SLC22A24: variants seen among roughly 807,000 people sequenced by gnomAD.
The protein encoded by SLC22A24 is solute carrier family 22 member 24.
A neutral mutation model predicts 49.8 loss-of-function variants in SLC22A24; 53 were observed. The ratio of observed to expected loss-of-function variants is 1.06; its 90% CI spans 0.85 to 1.34. The LOEUF (loss-of-function observed/expected upper bound fraction) is 1.34, where lower values mean the gene tolerates loss of function less well. SLC22A24 is among the 40% of genes most tolerant of loss of function. SLC22A24 has a pLI of 0.00. For missense variants in SLC22A24, 786 were observed against 675.9 expected (o/e 1.16, Z -1.81); for synonymous variants, 302 against 256.4 (o/e 1.18, Z -1.70).
chr11:63,103,826 A>G (rs1349997219), intron 5 of SLC22A24, among the ~76,000 whole-genome samples: 1 of 152,212 alleles, frequency 6.6e-6, no homozygotes, highest in Non-Finnish European at 1.5e-5. Flanking sequence ...TGTATGATTA[A>G]TTATAATTTA....
At chr11:63,104,539 T>C (rs1313480972) in intron 4 of SLC22A24, among the ~76,000 whole-genome samples, 1 of 152,176 alleles carries the variant, frequency 6.6e-6, no homozygotes, top group Admixed American at 6.5e-5. Flanking sequence ...TTCACACTGC[T>C]GATAAAGACA....
rs747048463 is a variant in SLC22A24, at chr11:63,083,316, A to G, written c.1212T>C (p.Gly404=). The G allele has an allele frequency of 2.2e-5, 35 of 1,560,186 alleles. No individual in the cohort carries two copies. The highest frequency in any genetic ancestry group is 2.9e-5 in the Non-Finnish European group (33 of 1,151,060). ...CVSLLTLNHM[G]RRISQILFTF... is the part of the protein sequence containing the mutation. ...TGAACAATATCTGGCTTATTCGACG[A>G]CCCATATGATTCAGTGTCAAAAGGG... is the stretch of plus-strand genomic sequence containing the variant. The change falls in exon 7 of 10, where the codon GGT becomes GGC. Residue 404 remains glycine (G), a synonymous_variant. Coordinates refer to ENST00000612278, the MANE Select transcript of SLC22A24 (RefSeq NM_001136506.2).
At chr11:63,095,924 T>G (rs553434553) in intron 6 of SLC22A24, 67 bp downstream of exon 6, 4 of 1,180,896 alleles carry the variant, frequency 3.4e-6, no homozygotes, top group East Asian at 5.1e-5. Flanking sequence ...GCTGCTAATC[T>G]TTTGAAAGAA....
At chr11:63,129,428 CT>C (rs2087317636) in intron 2 of SLC22A24, among the ~76,000 whole-genome samples, 1 of 152,152 alleles carries the variant, frequency 6.6e-6, no homozygotes, top group Non-Finnish European at 1.5e-5. Context: ...CAGCTTTGAT[CT>C]TTTTGCTTAG....
chr11:63,082,684 T>C (rs2086966647), intron 7 of SLC22A24, among the ~76,000 whole-genome samples: 1 of 152,212 alleles, frequency 6.6e-6, no homozygotes, highest in African/African-American at 2.4e-5. Flanking sequence ...ACACTTCATT[T>C]ATGGTTGAAG....
chr11:63,121,949 G>A (rs896073318), intron 2 of SLC22A24, among the ~76,000 whole-genome samples: 3 of 152,026 alleles, frequency 2.0e-5, no homozygotes, highest in Non-Finnish European at 4.4e-5. Context: ...ACATGAGAAA[G>A]CCCTTTATGG....
intron 4 of SLC22A24, among the ~76,000 whole-genome samples, chr11:63,106,292 A>G (rs1045990633): frequency 8.5e-5 from 13 of 152,102 alleles, no homozygotes; most frequent in Middle Eastern, 3.4e-3. Context: ...ATTGTATTTC[A>G]TGGTGTATAT....
chr11:63,080,842 G>T (rs757440383), intron 9 of SLC22A24, 78 bp downstream of exon 9: 3 of 1,266,784 alleles, frequency 2.4e-6, no homozygotes, highest in Non-Finnish European at 3.3e-6. Flanking sequence ...GGCCCCAAAT[G>T]GTCGTTGACC....
chr11:63,090,183 C>G (rs1482040517), intron 6 of SLC22A24, among the ~76,000 whole-genome samples: 14 of 151,104 alleles, frequency 9.3e-5, no homozygotes, highest in Admixed American at 9.2e-4. Context: ...TATATGCACC[C>G]AATGGAGGAA....
At chr11:63,099,983 A>C (rs2087080923) in intron 5 of SLC22A24, among the ~76,000 whole-genome samples, 1 of 152,224 alleles carries the variant, frequency 6.6e-6, no homozygotes, top group Non-Finnish European at 1.5e-5. Context: ...TAAATGGATA[A>C]AAACTAAAAG....
At chr11:63,131,548 G>C (rs1192812380) in intron 2 of SLC22A24, among the ~76,000 whole-genome samples, 1 of 152,128 alleles carries the variant, frequency 6.6e-6, no homozygotes, top group Non-Finnish European at 1.5e-5. Flanking sequence ...AGCTTAGTTT[G>C]GCGGGACGTG....
intron 5 of SLC22A24, among the ~76,000 whole-genome samples, chr11:63,102,526 G>T (rs1241747109): frequency 6.6e-6 from 1 of 152,028 alleles, no homozygotes; most frequent in Non-Finnish European, 1.5e-5. Flanking sequence ...AACCCCAATG[G>T]GTTGACAGGT....
intron 6 of SLC22A24, 108 bp downstream of exon 6, chr11:63,095,883 T>C: frequency 1.3e-6 from 1 of 794,490 alleles, no homozygotes; most frequent in Non-Finnish European, 2.0e-6. Flanking sequence ...GATTTTCTCT[T>C]CTCTTATGTA....
intron 1 of SLC22A24, among the ~76,000 whole-genome samples, chr11:63,142,250 C>T (rs1425099500): frequency 6.6e-6 from 1 of 152,148 alleles, no homozygotes; most frequent in South Asian, 2.1e-4. Flanking sequence ...CCATTATGTC[C>T]CCTGTCAGCA....
intron 4 of SLC22A24, among the ~76,000 whole-genome samples, chr11:63,108,083 C>A (rs991149068): frequency 5.3e-5 from 8 of 152,084 alleles, no homozygotes; most frequent in African/African-American, 1.9e-4. Context: ...TTATAAATAA[C>A]TCTTATTATT....
rs2135191069 is a variant in SLC22A24 at position 63,083,298 on chromosome 11, T to C, written c.1230A>G (p.Ile410Met). 3 of 1,560,898 alleles carry C rather than the reference T, an allele frequency of 1.9e-6. No homozygotes were observed. Among genetic ancestry groups the C allele is most frequent in the Non-Finnish European group, 2.6e-6 (3 of 1,151,490 alleles). Reference protein sequence around the residue: ...LNHMGRRISQILFTFPVGLFI... With the variant: ...LNHMGRRISQMLFTFPVGLFI... Reference sequence around the variant, plus strand: ...AAAGTCCCACCGGGAACGTGAACAATATCTGGCTTATTCGACGACCCATAT... The same window carrying C: ...AAAGTCCCACCGGGAACGTGAACAACATCTGGCTTATTCGACGACCCATAT... The change falls in exon 7 of 10, where the codon ATA (isoleucine) becomes ATG (methionine). Residue 410 changes from isoleucine (I) to methionine (M), a missense_variant. Ile to Met is a conservative substitution (Grantham distance 10). Coordinates refer to ENST00000612278, the MANE Select transcript of SLC22A24 (RefSeq NM_001136506.2).
chr11:63,080,820 TGAA>T (rs2086955037), intron 9 of SLC22A24, 97 bp downstream of exon 9: 1 of 1,006,362 alleles, frequency 9.9e-7, no homozygotes, highest in Admixed American at 2.4e-5. Flanking sequence ...TGAGCCTACA[TGAA>T]GGACAGAGGG....
At chr11:63,112,175 A>C (rs2087170406) in intron 4 of SLC22A24, among the ~76,000 whole-genome samples, 1 of 152,122 alleles carries the variant, frequency 6.6e-6, no homozygotes, top group Non-Finnish European at 1.5e-5. Flanking sequence ...TGAGATTCTT[A>C]ATCCTGAGTT....
At chr11:63,116,089 T>G in intron 4 of SLC22A24, 6 of 380,868 alleles carry the variant, frequency 1.6e-5, no homozygotes, top group Non-Finnish European at 2.8e-5. Context: ...TTTGGGATCT[T>G]GAGCTTAACT....
Sources: allele counts gnomAD v4.1 joint callset (sites outside exome capture counted in the v4.1 genomes callset), GRCh38; gene constraint gnomAD v4.1.1; transcripts MANE v1.5; gene names NCBI Gene and HGNC (gene_info 2026-07-23, HGNC 2026-07-21).